ATP8A2: variants seen among roughly 807,000 people sequenced by gnomAD.
ATP8A2 encodes the protein phospholipid-transporting ATPase IB.
Under a neutral mutation model 165.6 loss-of-function variants are expected in ATP8A2, and 100 were observed. The observed-to-expected ratio is 0.60, with a 90% CI of 0.51 to 0.71. The LOEUF is 0.71. ATP8A2 is among the 30% of genes least tolerant of loss of function. The pLI, the probability that ATP8A2 is intolerant of heterozygous loss-of-function variation, is 0.00. For synonymous variants in ATP8A2, 543 were observed against 548.8 expected (o/e 0.99, Z 0.15); for missense variants, 1,227 against 1,479.5 (o/e 0.83, Z 2.80).
intron 1 of ATP8A2, among the ~76,000 whole-genome samples, chr13:25,377,172 C>T (rs150883916): frequency 1.6e-4 from 25 of 152,316 alleles, no homozygotes; most frequent in Admixed American, 1.2e-3. Flanking sequence ...GTATACAGTG[C>T]CTCTAAAGAA....
chr13:25,548,182 C>T (rs1289704298), intron 10 of ATP8A2, among the ~76,000 whole-genome samples: 4 of 152,112 alleles, frequency 2.6e-5, no homozygotes, highest in African/African-American at 4.8e-5. Flanking sequence ...TCCATGATCA[C>T]GCCACTGCAC....
intron 24 of ATP8A2, among the ~76,000 whole-genome samples, chr13:25,630,993 G>A (rs2041227843): frequency 3.3e-5 from 5 of 152,176 alleles, no homozygotes. Context: ...TGAAATAACT[G>A]CCTGGGTGTC....
intron 2 of ATP8A2, among the ~76,000 whole-genome samples, chr13:25,524,219 A>C (rs2037762290): frequency 1.3e-5 from 2 of 152,166 alleles, no homozygotes; most frequent in Admixed American, 1.3e-4. Flanking sequence ...TGGTCAGAAA[A>C]AAATAGTTGA....
intron 1 of ATP8A2, among the ~76,000 whole-genome samples, chr13:25,408,757 G>T (rs2033883161): frequency 6.6e-6 from 1 of 151,976 alleles, no homozygotes; most frequent in Non-Finnish European, 1.5e-5. Flanking sequence ...TTATGCTTTG[G>T]GACCACTTTC....
At chr13:25,513,053 G>A (rs534738132) in intron 2 of ATP8A2, among the ~76,000 whole-genome samples, 242 of 148,244 alleles carry the variant, frequency 1.6e-3, no homozygotes, top group African/African-American at 5.6e-3. Context: ...CTGGCCTGGC[G>A]GGGGCTGACC....
chr13:25,751,808 C>T (rs534081919), intron 25 of ATP8A2, among the ~76,000 whole-genome samples: 14 of 151,668 alleles, frequency 9.2e-5, no homozygotes, highest in Admixed American at 3.3e-4. Flanking sequence ...ATAATATAAG[C>T]AGAAATAATA....
In ATP8A2 at chr13:25,984,384, G is replaced by T. The variant is rs543651391; in HGVS notation, c.3377+15705G>T. Among the ~76,000 whole-genome samples, 30 of 151,888 alleles carry T rather than the reference G, an allele frequency of 2.0e-4. No individual in the cohort carries two copies. In the South Asian group the frequency reaches 4.8e-3, roughly 24 times the overall value. On this transcript the variant is annotated intron_variant, in intron 35 of 36. Coordinates refer to ENST00000381655, the MANE Select transcript of ATP8A2 (RefSeq NM_016529.6). Reference sequence around the variant, plus strand: ...TTTGGGAGATGAAGGCAGGTGGATCGCTTGAGGTCAGGAGTTCGAGACCAG... The same window carrying T: ...TTTGGGAGATGAAGGCAGGTGGATCTCTTGAGGTCAGGAGTTCGAGACCAG...
At chr13:25,835,024 G>A (rs1257154497) in intron 28 of ATP8A2, among the ~76,000 whole-genome samples, 1 of 151,900 alleles carries the variant, frequency 6.6e-6, no homozygotes, top group Non-Finnish European at 1.5e-5. Flanking sequence ...AGGCAGAGTG[G>A]AAAATATGTA....
intron 30 of ATP8A2, among the ~76,000 whole-genome samples, chr13:25,840,260 A>G (rs1951721864): frequency 6.6e-6 from 1 of 152,230 alleles, no homozygotes; most frequent in Non-Finnish European, 1.5e-5. Flanking sequence ...ATACAAATGT[A>G]TCATGAGAAT....
chr13:25,822,441 C>T (rs1951207521), intron 27 of ATP8A2, among the ~76,000 whole-genome samples: 1 of 152,156 alleles, frequency 6.6e-6, no homozygotes, highest in Non-Finnish European at 1.5e-5. Flanking sequence ...TGTTGTTTCC[C>T]CAGTTTACCA....
At position 25,607,919 on chromosome 13, in the gene ATP8A2, T is replaced by C. The variant is rs576751927; in HGVS notation, c.2211+18220T>C. On this transcript the variant is annotated intron_variant, in intron 24 of 36. Coordinates refer to ENST00000381655, the MANE Select transcript of ATP8A2 (RefSeq NM_016529.6). ...TTTTCTTTTTTGGTAACTCTTGTTA[T>C]AAGGGACACAGACTTAGAAATGCTG... Among the ~76,000 whole-genome samples the C allele has an allele frequency of 1.3e-3, 203 of 152,344 alleles. 1 individual carries two copies. Among genetic ancestry groups the C allele is most frequent in the African/African-American group, 4.7e-3 (195 of 41,582 alleles).
At chr13:25,485,551 A>G (rs1033871543) in intron 2 of ATP8A2, among the ~76,000 whole-genome samples, 2 of 152,236 alleles carry the variant, frequency 1.3e-5, no homozygotes, top group African/African-American at 4.8e-5. Flanking sequence ...GGGACACACC[A>G]TTTCACCTGG....
intron 25 of ATP8A2, among the ~76,000 whole-genome samples, chr13:25,759,837 A>T (rs2138239869): frequency 6.6e-6 from 1 of 152,278 alleles, no homozygotes; most frequent in South Asian, 2.1e-4. Flanking sequence ...TTTTACATGA[A>T]ATGCGCTTGC....
chr13:25,495,527 G>A (rs748580683), intron 2 of ATP8A2, among the ~76,000 whole-genome samples: 1 of 151,540 alleles, frequency 6.6e-6, no homozygotes, highest in Non-Finnish European at 1.5e-5. Context: ...TGGCATGATC[G>A]TAGCTCATTG....
rs528571077 is a variant in ATP8A2, at chr13:25,953,386, A to G, written c.3184-8189A>G. Reference sequence around the variant, plus strand: ...TTATGGGAAGTTCTGGCACAGAGTGACGCACGAAGAAATTTGAGCTTCCTT... The same window carrying G: ...TTATGGGAAGTTCTGGCACAGAGTGGCGCACGAAGAAATTTGAGCTTCCTT... On this transcript the variant is annotated intron_variant, in intron 33 of 36. Coordinates refer to ENST00000381655, the MANE Select transcript of ATP8A2 (RefSeq NM_016529.6). This position sits in a 1 kb window ranked among gnomAD's most constrained non-coding sequence, Gnocchi z 6.7. 6.6e-6 allele frequency among the ~76,000 whole-genome samples: 1 copy of G among 152,144 alleles called. No homozygotes were observed. Among genetic ancestry groups the G allele is most frequent in the Non-Finnish European group, 1.5e-5 (1 of 68,006 alleles).
chr13:25,667,638 C>T lies in ATP8A2; in HGVS notation c.2212-31535C>T, dbSNP rs1452175127. On this transcript the variant is annotated intron_variant, in intron 24 of 36. Coordinates refer to ENST00000381655, the MANE Select transcript of ATP8A2 (RefSeq NM_016529.6). ...TCTGCGAAACTGTGGCCTAGATAAGCCTCTTTTTTTTTTTATAAATTACCC... is the reference window on the plus strand; with the variant it reads ...TCTGCGAAACTGTGGCCTAGATAAGTCTCTTTTTTTTTTTATAAATTACCC... Among the ~76,000 whole-genome samples, 4 of 6,122 alleles carry T rather than the reference C, an allele frequency of 6.5e-4. No homozygotes were observed. The East Asian group carries it at 0.034, about 53-fold the overall frequency. The allele number at this position is 6,122 out of a possible 152,430, so 4.0% of individuals were successfully genotyped here. A position where few individuals can be genotyped will look rare whatever the true frequency, so the allele number is the denominator to read the frequency against.
chr13:25,681,237 C>T (rs1461051477), intron 24 of ATP8A2, among the ~76,000 whole-genome samples: 1 of 152,168 alleles, frequency 6.6e-6, no homozygotes, highest in African/African-American at 2.4e-5. Context: ...GCTTGACTGT[C>T]TCTCCCTCTC....
At chr13:26,013,966 A>G (rs1203206379) in intron 36 of ATP8A2, among the ~76,000 whole-genome samples, 1 of 152,206 alleles carries the variant, frequency 6.6e-6, no homozygotes, top group African/African-American at 2.4e-5. Context: ...TGCCACCCCA[A>G]GGACACAAAG....
intron 33 of ATP8A2, among the ~76,000 whole-genome samples, chr13:25,949,117 G>A (rs1486033552): frequency 6.6e-6 from 1 of 152,232 alleles, no homozygotes; most frequent in Non-Finnish European, 1.5e-5. Context: ...GTAACTCACA[G>A]ATGGTGTCAG....
Sources: gnomAD v4.1 joint callset for allele counts (sites outside exome capture counted in the v4.1 genomes callset) on GRCh38, gnomAD v4.1.1 for gene constraint, Gnocchi (gnomAD v3.1) non-coding constraint, MANE v1.5 for transcripts, NCBI Gene and HGNC (gene_info 2026-07-23, HGNC 2026-07-21) for gene names.